DACH2: variants seen among roughly 807,000 people sequenced by gnomAD.
The protein encoded by DACH2 is dachshund family transcription factor 2.
DACH2 carries 17 observed loss-of-function variants against 35.8 expected under a neutral mutation model. That is an observed-to-expected ratio of 0.48 (90% CI 0.33 to 0.71). The LOEUF (loss-of-function observed/expected upper bound fraction) is 0.71, where lower values mean the gene tolerates loss of function less well. DACH2 is among the 30% of genes least tolerant of loss of function. DACH2 has a pLI of 0.02. For synonymous variants in DACH2, 195 were observed against 177.3 expected (o/e 1.10, Z -0.79); for missense variants, 469 against 472.7 (o/e 0.99, Z 0.07).
At chrX:86,433,447 T>TA (rs750595712) in intron 2 of DACH2, among the ~76,000 whole-genome samples, 8 of 111,593 alleles carry the variant, frequency 7.2e-5, no homozygotes, top group Admixed American at 1.9e-4. Context: ...TGTCCAGTTG[T>TA]AAAAAAAAGA....
At chrX:86,400,388 C>A (rs2036401610) in intron 2 of DACH2, among the ~76,000 whole-genome samples, 1 of 111,841 alleles carries the variant, frequency 8.9e-6, no homozygotes, top group South Asian at 3.7e-4. Flanking sequence ...TTGTCAAAGT[C>A]ATTCTCTGTC....
intron 3 of DACH2, among the ~76,000 whole-genome samples, chrX:86,572,447 C>T (rs1213929659): frequency 2.7e-5 from 3 of 111,438 alleles, no homozygotes; most frequent in African/African-American, 9.8e-5. Context: ...CTGTAGAATC[C>T]TTAATCTTTT....
chrX:86,580,331 C>G (rs2039486722), intron 3 of DACH2, among the ~76,000 whole-genome samples: 1 of 111,837 alleles, frequency 8.9e-6, no homozygotes, highest in African/African-American at 3.2e-5. Flanking sequence ...ACAACATCTT[C>G]TCACCTCTAA....
At position 86,414,372 on chromosome X, in the gene DACH2, T is replaced by C. The variant is rs2036666140; in HGVS notation, c.527+37510T>C. Among the ~76,000 whole-genome samples the C allele has an allele frequency of 2.7e-5, 3 of 111,775 alleles. No individual in the cohort carries two copies. The South Asian group carries it at 1.1e-3, about 42-fold the overall frequency. On this transcript the variant is annotated intron_variant, in intron 2 of 11. Transcript: ENST00000373125. ...TCTGATTTCCACTTTGCCTCTGCTG[T>C]CCATTATGGTTACTATGCCTACCTT...
chrX:86,826,793 T>C (rs2042566255), intron 11 of DACH2, among the ~76,000 whole-genome samples: 1 of 112,427 alleles, frequency 8.9e-6, no homozygotes, highest in Non-Finnish European at 1.9e-5. Context: ...GAGCATTAAC[T>C]AGCATATTAT....
In DACH2 at chrX:86,166,354, T is replaced by C. The variant is rs372955392; in HGVS notation, c.488+17246T>C. ...TCCATATAAGTTTTAGAATTTTTTCTTTTTCAGATTGTTCACTGTTGGCAT... is the reference window on the plus strand; with the variant it reads ...TCCATATAAGTTTTAGAATTTTTTCCTTTTCAGATTGTTCACTGTTGGCAT... On this transcript the variant is annotated intron_variant, in intron 1 of 11. Coordinates refer to ENST00000373125, the MANE Select transcript of DACH2 (RefSeq NM_053281.3). Among the ~76,000 whole-genome samples the C allele has an allele frequency of 2.6e-3, 288 of 111,610 alleles. 11 individuals are homozygous for C. In the South Asian group the frequency reaches 0.096, roughly 37 times the overall value.
chrX:86,160,940 T>C lies in DACH2; in HGVS notation c.488+11832T>C, dbSNP rs192464899. On this transcript the variant is annotated intron_variant, in intron 1 of 11. Transcript: ENST00000373125. ...GCAAGGGCTTGTCAGTTGGACCAGA[T>C]GGTGGTAGGATGTAGTCCAGAGCCT... 8.0e-6 allele frequency: 6 copies of C among 748,996 alleles called. No homozygotes were observed. In the South Asian group the frequency reaches 8.5e-5, roughly 11 times the overall value. The allele number at this position is 748,996 out of a possible 1,213,427, so 61.7% of individuals were successfully genotyped here. A position where few individuals can be genotyped will look rare whatever the true frequency, so the allele number is the denominator to read the frequency against.
At chrX:86,372,335 A>C (rs2035900030) in intron 1 of DACH2, among the ~76,000 whole-genome samples, 1 of 111,121 alleles carries the variant, frequency 9.0e-6, no homozygotes, top group African/African-American at 3.3e-5. Flanking sequence ...AATACCTTAC[A>C]CACACATGGA....
At chrX:86,793,290 G>T (rs754705168) in intron 7 of DACH2, among the ~76,000 whole-genome samples, 31 of 110,706 alleles carry the variant, frequency 2.8e-4, no homozygotes, top group East Asian at 1.4e-3. Context: ...TTAGACCCTT[G>T]TGGGATTAAT....
chrX:86,423,150 C>T (rs1038920182), intron 2 of DACH2, among the ~76,000 whole-genome samples: 1 of 111,402 alleles, frequency 9.0e-6, no homozygotes, highest in Non-Finnish European at 1.9e-5. Flanking sequence ...AATATCTCTT[C>T]AATATACTGA....
chrX:86,552,866 T>C (rs2039068978), intron 3 of DACH2, among the ~76,000 whole-genome samples: 1 of 111,034 alleles, frequency 9.0e-6, no homozygotes, highest in African/African-American at 3.3e-5. Context: ...TAGTGGTGTT[T>C]ATTGTTATTT....
intron 2 of DACH2, among the ~76,000 whole-genome samples, chrX:86,507,178 C>G (rs761228137): frequency 9.0e-6 from 1 of 111,440 alleles, no homozygotes; most frequent in Non-Finnish European, 1.9e-5. Context: ...TTCTGATGGA[C>G]TTGCTCAAGT....
At chrX:86,417,811 A>C (rs1192112756) in intron 2 of DACH2, among the ~76,000 whole-genome samples, 1 of 111,553 alleles carries the variant, frequency 9.0e-6, no homozygotes, top group African/African-American at 3.3e-5. Flanking sequence ...TTCAGAATTA[A>C]ATGAGTTAAT....
intron 1 of DACH2, among the ~76,000 whole-genome samples, chrX:86,263,526 G>A (rs2033662929): frequency 9.0e-6 from 1 of 111,016 alleles, no homozygotes; most frequent in Non-Finnish European, 1.9e-5. Flanking sequence ...GTTTTTTCTT[G>A]AATTTAATTG....
intron 3 of DACH2, among the ~76,000 whole-genome samples, chrX:86,592,648 C>T (rs753131717): frequency 4.5e-5 from 5 of 112,094 alleles, no homozygotes; most frequent in Non-Finnish European, 7.5e-5. Context: ...TTGCTTACAT[C>T]CATGAATGTA....
intron 5 of DACH2, among the ~76,000 whole-genome samples, chrX:86,698,071 A>C (rs1013695823): frequency 1.2e-4 from 13 of 111,490 alleles, no homozygotes; most frequent in Non-Finnish European, 3.8e-5. Flanking sequence ...ATCTGGAAAG[A>C]AGACAGAGAA....
At chrX:86,555,938 C>T (rs764614157) in intron 3 of DACH2, among the ~76,000 whole-genome samples, 1 of 111,239 alleles carries the variant, frequency 9.0e-6, no homozygotes, top group South Asian at 3.8e-4. Context: ...TACTTTAATG[C>T]CGGCATCTAA....
intron 11 of DACH2, chrX:86,827,723 T>G: frequency 1.8e-6 from 2 of 1,135,626 alleles, no homozygotes; most frequent in Non-Finnish European, 2.4e-6. Context: ...TTTTCTTTGT[T>G]CGAATGAAAT....
chrX:86,289,669 G>A (rs1193479986), intron 1 of DACH2, among the ~76,000 whole-genome samples: 1 of 102,165 alleles, frequency 9.8e-6, no homozygotes, highest in African/African-American at 3.6e-5. Context: ...AGAATATGCG[G>A]TGTTTGGTTT....
Sources: gnomAD v4.1 joint callset for allele counts (sites outside exome capture counted in the v4.1 genomes callset) on GRCh38, gnomAD v4.1.1 for gene constraint, MANE v1.5 for transcripts, NCBI Gene and HGNC (gene_info 2026-07-23, HGNC 2026-07-21) for gene names.